The following PPFIA4 variants were observed in gnomAD, a reference collection of about 807,000 sequenced individuals.
The protein encoded by PPFIA4 is PPFI scaffold protein A4.
A neutral mutation model predicts 145.7 loss-of-function variants in PPFIA4; 98 were observed. The ratio of observed to expected loss-of-function variants is 0.67; its 90% confidence interval spans 0.57 to 0.80. The LOEUF is 0.80. Among genes scored for constraint, PPFIA4 ranks in the 30% least tolerant of loss-of-function variants. The probability of loss-of-function intolerance (pLI) is 0.00; values close to 1 mark genes in which losing one functional copy is unlikely to be tolerated. For missense variants in PPFIA4, 1,457 were observed against 1,632.7 expected, an observed-to-expected ratio of 0.89 and a Z score of 1.85; for synonymous variants, 628 against 649.6, an observed-to-expected ratio of 0.97 and a Z score of 0.51.
At chr1:203,049,800 A>G in intron 13 of PPFIA4, 33 bp downstream of exon 13, 4 of 1,498,366 alleles carry the variant, frequency 2.7e-6, no homozygotes, top group Non-Finnish European at 3.6e-6. Context: ...GCATGCCAGG[A>G]CGGGGTCCTG....
At chr1:203,035,609 G>A (rs1659187519) in intron 1 of PPFIA4, 1 of 456,698 alleles carries the variant, frequency 2.2e-6, no homozygotes, top group Non-Finnish European at 4.4e-6. Context: ...TTGCTTTGGG[G>A]ACTGGCAGCT....
chr1:203,049,122 T>A (rs1660311596), intron 12 of PPFIA4, 142 bp downstream of exon 12: 1 of 841,796 alleles, frequency 1.2e-6, no homozygotes, highest in East Asian at 2.7e-5. Context: ...ATTCCGTGAT[T>A]TCTCACTAGA....
At chr1:203,034,433 C>G in intron 1 of PPFIA4, 3 of 455,488 alleles carry the variant, frequency 6.6e-6, no homozygotes, top group East Asian at 7.0e-5. Flanking sequence ...GGAGAAGCTT[C>G]TGGGCAGCCT....
Position 203,045,926 on chromosome 1 carries a change from T to C in PPFIA4, c.944T>C (p.Ile315Thr). 9 of 1,612,752 alleles carry C rather than the reference T, an allele frequency of 5.6e-6. No homozygotes were observed. Among genetic ancestry groups the C allele is most frequent in the Middle Eastern group, 1.6e-4 (1 of 6,062 alleles). The stretch of plus-strand genomic sequence containing the variant: ...GCTGCTCAGCGTGAGGCAACATCCA[T>C]CCATGACCTCAATGACAAGCTGGAG... Reference protein sequence around the residue: ...YLAAQREATSIHDLNDKLENE... With the variant: ...YLAAQREATSTHDLNDKLENE... The change falls in exon 8 of 30, where the codon ATC becomes ACC. Residue 315 changes from isoleucine (I) to threonine (T), a missense_variant. Ile to Thr is a moderately conservative substitution (Grantham distance 89). Transcript: ENST00000295706.
rs995504840 is a variant in PPFIA4, at chr1:203,060,147, C to T, written c.2584-70C>T. ...CGTGGATGAGGCCTGGCCCTTGCCC[C>T]TTGCTGTTGCCAAACTCTTGGTGGT... On this transcript the variant is annotated intron_variant, in intron 21 of 29. Transcript: ENST00000295706. The surrounding 1 kb of genome is among the most constrained non-coding windows in gnomAD (Gnocchi z 4.8). 1 of 1,514,184 alleles carries T rather than the reference C, an allele frequency of 6.6e-7. No individual in the cohort carries two copies. 93.8% of individuals were successfully genotyped at this position (1,514,184 alleles called of 1,614,324 possible).
At position 203,039,042 on chromosome 1, in the gene PPFIA4, G is replaced by C; in HGVS notation, c.34G>C (p.Asp12His). The C allele has an allele frequency of 1.3e-6, 2 of 1,574,298 alleles. No individual in the cohort carries two copies. Among genetic ancestry groups the C allele is most frequent in the Non-Finnish European group, 1.7e-6 (2 of 1,165,378 alleles). Residue 12 changes from aspartate to histidine, a missense_variant, in exon 2 of 30, where the codon GAC becomes CAC. Physicochemically the swap from Asp to His is moderately conservative, Grantham distance 81 (BLOSUM62 -1). Transcript: ENST00000295706. Reference protein sequence around the residue: ...CEVMPTINEGDRLGPPHGADA... With the variant: ...CEVMPTINEGHRLGPPHGADA... The stretch of plus-strand genomic sequence containing the variant: ...GGTGATGCCCACAATCAATGAGGGG[G>C]ACCGCCTGGGTCCCCCTCATGGCGC...
rs1260160650 is a variant in PPFIA4, at chr1:203,076,996, A to G, written c.*606A>G. On this transcript the variant is annotated 3_prime_UTR_variant, in exon 30 of 30. Transcript: ENST00000295706. ...ACTGAAGGCCCCATTCTCCCACAGG[A>G]TGGTGAGGCTGGGAGGAGGAAGACT... 6.5e-6 allele frequency: 1 copy of G among 152,830 alleles called. No homozygotes were observed. Among genetic ancestry groups the G allele is most frequent in the East Asian group, 1.9e-4 (1 of 5,196 alleles). 9.5% of individuals were successfully genotyped at this position (152,830 alleles called of 1,614,324 possible). A position where few individuals can be genotyped will look rare whatever the true frequency, so the allele number is the denominator to read the frequency against.
chr1:203,067,505 A>G, intron 25 of PPFIA4, 190 bp from the exon 26 acceptor site: 1 of 583,290 alleles, frequency 1.7e-6, no homozygotes, highest in East Asian at 2.9e-5. Flanking sequence ...TGGGTTAGAC[A>G]GAGAAAGGGA....
rs770743380 is a variant in PPFIA4, at chr1:203,046,330, C to T, written c.1088C>T (p.Thr363Met). ...KLQQTMRKAE[T>M]LPEVEAELAQ... ...CAGCAGACGATGCGCAAGGCAGAGA[C>T]GCTGCCAGAGGTGGAGGCTGAGCTG... Residue 363 changes from threonine (T) to methionine (M), a missense_variant, in exon 9 of 30, where the codon ACG becomes ATG. By Grantham distance (81) the Thr-to-Met change is moderately conservative. Around this residue, in one of 3 missense-constraint regions of PPFIA4, gnomAD observed 848 missense variants for 1,046.7 expected, o/e 0.81. Transcript: ENST00000295706. 141 of 1,594,086 alleles carry T rather than the reference C, an allele frequency of 8.8e-5. No homozygotes were observed. The highest frequency in any genetic ancestry group is 1.3e-4 in the South Asian group (11 of 87,910).
At chr1:203,031,589 C>T (rs955165365) in intron 1 of PPFIA4, among the ~76,000 whole-genome samples, 4 of 152,196 alleles carry the variant, frequency 2.6e-5, no homozygotes, top group Non-Finnish European at 5.9e-5. Flanking sequence ...ATTAGCACTC[C>T]GGACCCGTCC....
intron 1 of PPFIA4, among the ~76,000 whole-genome samples, chr1:203,028,148 A>C (rs1325515941): frequency 6.6e-6 from 1 of 152,178 alleles, no homozygotes; most frequent in African/African-American, 2.4e-5. Context: ...CATCTCTGGA[A>C]GATGGAATAG....
rs1038473000 is a variant in PPFIA4 at position 203,048,930 on chromosome 1, C to A, written c.1369C>A (p.Gln457Lys). ...TGCTCTCCCCCAGAACACGTTGATC[C>A]AGGAGTTGGAGAGCTCCCAGCGGCA... ...AALEEKNTLI[Q>K]ELESSQRQIE... is the part of the protein sequence containing the mutation. The change falls in exon 12 of 30, where the codon CAG (glutamine) becomes AAG (lysine). Residue 457 changes from glutamine to lysine, a missense_variant. Around this residue, in one of 3 missense-constraint regions of PPFIA4, gnomAD observed 848 missense variants for 1,046.7 expected, o/e 0.81. Coordinates refer to ENST00000295706, the MANE Select transcript of PPFIA4 (RefSeq NM_001304331.2). The surrounding 1 kb of genome is among the most constrained non-coding windows in gnomAD (Gnocchi z 5.8). The A allele has an allele frequency of 1.2e-5, 18 of 1,548,338 alleles. No individual in the cohort carries two copies. The African/African-American group carries it at 1.9e-4, about 17-fold the overall frequency.
chr1:203,047,140 A>T (rs1660144908), intron 9 of PPFIA4, among the ~76,000 whole-genome samples: 1 of 152,212 alleles, frequency 6.6e-6, no homozygotes, highest in African/African-American at 2.4e-5. Flanking sequence ...AGTGCTCGGA[A>T]GGGAGAGGCT....
intron 14 of PPFIA4, among the ~76,000 whole-genome samples, chr1:203,052,160 G>A (rs983955607): frequency 4.6e-5 from 7 of 151,912 alleles, no homozygotes; most frequent in South Asian, 2.1e-4. Flanking sequence ...GCGTGCAGGC[G>A]TGTGTATCTG....
chr1:203,075,855 A>G lies in PPFIA4; in HGVS notation c.3574+98A>G. On this transcript the variant is annotated intron_variant, in intron 29 of 29. Coordinates refer to ENST00000295706, the MANE Select transcript of PPFIA4 (RefSeq NM_001304331.2). This position sits in a 1 kb window ranked among gnomAD's most constrained non-coding sequence, Gnocchi z 4.1. The stretch of plus-strand genomic sequence containing the variant: ...GGCCGGGTGGAGAGGGGCGAGGCCG[A>G]GGCTGGTGCCCCGCGCTCCTGCGCT... 8.3e-7 allele frequency: 1 copy of G among 1,199,928 alleles called. No individual in the cohort carries two copies. 74.3% of individuals were successfully genotyped at this position (1,199,928 alleles called of 1,614,324 possible).
At chr1:203,067,429 C>T (rs897448829) in intron 25 of PPFIA4, 9 of 438,158 alleles carry the variant, frequency 2.1e-5, no homozygotes, top group Non-Finnish European at 3.7e-5. Flanking sequence ...ATGTTGGATT[C>T]ATTCAAAGAA....
intron 28 of PPFIA4, among the ~76,000 whole-genome samples, chr1:203,073,897 C>T (rs1662339531): frequency 6.6e-6 from 1 of 152,126 alleles, no homozygotes. Flanking sequence ...TCCTAACAAA[C>T]TCAGGAATGG....
At chr1:203,049,822 G>A (rs1660368814) in intron 13 of PPFIA4, 55 bp downstream of exon 13, 3 of 1,398,396 alleles carry the variant, frequency 2.1e-6, no homozygotes, top group East Asian at 2.7e-5. Flanking sequence ...TGGACCGTGA[G>A]GAAGGAGACT....
rs887024404 is a variant in PPFIA4 at position 203,052,822 on chromosome 1, T to C, written c.1621-931T>C. Among the ~76,000 whole-genome samples, 3 of 152,212 alleles carry C rather than the reference T, an allele frequency of 2.0e-5. No homozygotes were observed. The South Asian group carries it at 6.2e-4, about 32-fold the overall frequency. The stretch of plus-strand genomic sequence containing the variant: ...TCCGCTGGATAGGTTTGTAGGATGA[T>C]TTCAGAGAAGCTGCCGCCTCTCAGG... On this transcript the variant is annotated intron_variant, in intron 14 of 29. Coordinates refer to ENST00000295706, the MANE Select transcript of PPFIA4 (RefSeq NM_001304331.2).
Sources: allele counts gnomAD v4.1 joint callset (sites outside exome capture counted in the v4.1 genomes callset), GRCh38; gene constraint gnomAD v4.1.1; regional missense constraint gnomAD v4.1.1; non-coding constraint Gnocchi (gnomAD v3.1); transcripts MANE v1.5; gene names NCBI Gene and HGNC (gene_info 2026-07-23, HGNC 2026-07-21).